Variants in ALCAM observed in about 807,000 individuals in gnomAD.
The protein encoded by ALCAM is activated leukocyte cell adhesion molecule, also known as CD166 antigen.
Under a neutral mutation model 70.9 loss-of-function variants are expected in ALCAM, and 30 were observed. The ratio of observed to expected loss-of-function variants is 0.42; its 90% CI spans 0.32 to 0.57. The LOEUF is 0.57. Among genes scored for constraint, ALCAM ranks in the 20% least tolerant of loss-of-function variants. ALCAM has a pLI of 0.11. For missense variants in ALCAM, 591 were observed against 695.1 expected (o/e 0.85, Z 1.68); for synonymous variants, 249 against 242.5 (o/e 1.03, Z -0.25).
At chr3:105,427,972 T>C (rs1357527224) in intron 1 of ALCAM, among the ~76,000 whole-genome samples, 2 of 151,970 alleles carry the variant, frequency 1.3e-5, no homozygotes, top group African/African-American at 4.8e-5. Context: ...TGGATTGAGG[T>C]AATATATATT....
At chr3:105,568,053 A>ATTTATTTTTTTTTTTTTTTTTTTT (rs1559659901) in intron 14 of ALCAM, among the ~76,000 whole-genome samples, 2 of 101,890 alleles carry the variant, frequency 2.0e-5, no homozygotes, top group African/African-American at 7.4e-5. Context: ...TTATTATTTT[A>ATTTATTTTTTTTTTTTTTTTTTTT]TTTTATTTTA....
chr3:105,422,911 AAC>A (rs1294641639), intron 1 of ALCAM, among the ~76,000 whole-genome samples: 1 of 151,498 alleles, frequency 6.6e-6, no homozygotes, highest in African/African-American at 2.4e-5. Flanking sequence ...TTACACTCAT[AAC>A]TATCAGTTGT....
At chr3:105,572,757 C>T (rs972958533) in intron 15 of ALCAM, among the ~76,000 whole-genome samples, 1 of 152,056 alleles carries the variant, frequency 6.6e-6, no homozygotes, top group African/African-American at 2.4e-5. Flanking sequence ...GAGAGTTTTT[C>T]GAAAGGAAAC....
intron 1 of ALCAM, among the ~76,000 whole-genome samples, chr3:105,389,371 GTTTTTTTTTTTTT>G (rs371987714): frequency 1.3e-3 from 75 of 58,194 alleles, no homozygotes; most frequent in Non-Finnish European, 1.6e-3. Flanking sequence ...TATATACATA[GTTTTTTTTTTTTT>G]TTTTTTTTTT....
chr3:105,444,792 CAATT>C (rs1416358054), intron 1 of ALCAM, among the ~76,000 whole-genome samples: 1 of 152,068 alleles, frequency 6.6e-6, no homozygotes, highest in Non-Finnish European at 1.5e-5. Flanking sequence ...GAAAAGCAGT[CAATT>C]AGTTAAATAA....
chr3:105,367,327 G>T lies in ALCAM; in HGVS notation c.-82G>T. ...TGCCCCTGCGTCGGGACCCGCCAGCGCGCGGGCACCGCGGGGCCCGGGACG... is the reference window on the plus strand; with the variant it reads ...TGCCCCTGCGTCGGGACCCGCCAGCTCGCGGGCACCGCGGGGCCCGGGACG... On this transcript the variant is annotated 5_prime_UTR_variant, in exon 1 of 16. Transcript: ENST00000306107. 6.9e-7 allele frequency: 1 copy of T among 1,452,266 alleles called. No individual in the cohort carries two copies. The highest frequency in any genetic ancestry group is 9.5e-7 in the Non-Finnish European group (1 of 1,047,294). 90.0% of individuals were successfully genotyped at this position (1,452,266 alleles called of 1,614,324 possible).
At chr3:105,525,770 C>A (rs1160257943) in intron 3 of ALCAM, among the ~76,000 whole-genome samples, 1 of 152,164 alleles carries the variant, frequency 6.6e-6, no homozygotes, top group Non-Finnish European at 1.5e-5. Flanking sequence ...CTAGAAGAAC[C>A]TTGTAAGAGC....
intron 11 of ALCAM, among the ~76,000 whole-genome samples, chr3:105,547,963 A>G (rs1373676921): frequency 1.3e-5 from 2 of 151,414 alleles, no homozygotes; most frequent in African/African-American, 2.4e-5. Context: ...TCTTAAAACT[A>G]TGTCCTCGTG....
intron 1 of ALCAM, among the ~76,000 whole-genome samples, chr3:105,478,389 T>A (rs1160806136): frequency 2.0e-5 from 3 of 152,148 alleles, no homozygotes; most frequent in South Asian, 2.1e-4. Context: ...GCATTGCCTC[T>A]ATAGTTCTCT....
At chr3:105,416,480 T>C (rs1311830300) in intron 1 of ALCAM, among the ~76,000 whole-genome samples, 37 of 152,028 alleles carry the variant, frequency 2.4e-4, no homozygotes, top group Admixed American at 2.4e-3. Context: ...AATCACACCA[T>C]AAATAATACA....
chr3:105,461,863 A>G (rs28670976), intron 1 of ALCAM, among the ~76,000 whole-genome samples: 111,555 of 151,420 alleles, frequency 0.74, 41,310 homozygotes, highest in East Asian at 0.93. Context: ...TGTCTAGGGT[A>G]TAAGGTACAG....
intron 14 of ALCAM, among the ~76,000 whole-genome samples, chr3:105,569,845 T>C (rs1195010991): frequency 2.6e-5 from 4 of 152,134 alleles, no homozygotes; most frequent in Non-Finnish European, 5.9e-5. Flanking sequence ...AAAAGCTGGA[T>C]TTCTTTGCAT....
intron 1 of ALCAM, among the ~76,000 whole-genome samples, chr3:105,445,030 A>G (rs1351779155): frequency 6.6e-6 from 1 of 152,196 alleles, no homozygotes; most frequent in East Asian, 1.9e-4. Context: ...CATTTATCTT[A>G]GTCTATACGA....
chr3:105,440,442 A>G (rs914092761), intron 1 of ALCAM, among the ~76,000 whole-genome samples: 1 of 152,190 alleles, frequency 6.6e-6, no homozygotes, highest in Admixed American at 6.5e-5. Context: ...GTTGTGATGA[A>G]GTTGAAGAAG....
chr3:105,440,690 T>A (rs1420517488), intron 1 of ALCAM: 2 of 152,214 alleles, frequency 1.3e-5, no homozygotes, highest in Non-Finnish European at 2.9e-5. Flanking sequence ...TTGTCACTAA[T>A]CAAGATGCCT....
intron 1 of ALCAM, among the ~76,000 whole-genome samples, chr3:105,408,831 A>C (rs1226188732): frequency 1.3e-5 from 2 of 152,118 alleles, no homozygotes; most frequent in African/African-American, 4.8e-5. Flanking sequence ...CAGAATCTAC[A>C]AAGAATTCAA....
chr3:105,428,763 A>G (rs1289526536), intron 1 of ALCAM, among the ~76,000 whole-genome samples: 3 of 152,016 alleles, frequency 2.0e-5, no homozygotes, highest in Non-Finnish European at 2.9e-5. Context: ...AAGTAAATAA[A>G]TTGAAAACTA....
intron 1 of ALCAM, among the ~76,000 whole-genome samples, chr3:105,496,212 C>A (rs1378535149): frequency 1.3e-5 from 2 of 152,126 alleles, no homozygotes; most frequent in African/African-American, 4.8e-5. Context: ...ATATATCTTA[C>A]ATTTTCAAAT....
intron 1 of ALCAM, among the ~76,000 whole-genome samples, chr3:105,473,687 T>C: frequency 6.6e-6 from 1 of 151,612 alleles, no homozygotes. Context: ...AATTCCTTTG[T>C]TATATGCTTA....
Sources: gnomAD v4.1 joint callset for allele counts (sites outside exome capture counted in the v4.1 genomes callset) on GRCh38, gnomAD v4.1.1 for gene constraint, MANE v1.5 for transcripts, NCBI Gene and HGNC (gene_info 2026-07-23, HGNC 2026-07-21) for gene names.